Variants in RNF141 observed in about 807,000 individuals in gnomAD.
RNF141 encodes C3HC4-like zinc finger protein.
RNF141 carries 18 observed loss-of-function variants against 27.4 expected under a neutral mutation model. The ratio of observed to expected loss-of-function variants is 0.66; its 90% CI spans 0.45 to 0.97. The LOEUF (loss-of-function observed/expected upper bound fraction) is 0.97, where lower values mean the gene tolerates loss of function less well. Among genes scored for constraint, RNF141 ranks in the 50% least tolerant of loss-of-function variants. The pLI is 0.00. For synonymous variants in RNF141, 97 were observed against 96.6 expected (o/e 1.00, Z -0.02); for missense variants, 230 against 279.4 (o/e 0.82, Z 1.26).
chr11:10,533,787 T>G (rs1257770385), intron 2 of RNF141, among the ~76,000 whole-genome samples: 4 of 152,174 alleles, frequency 2.6e-5, no homozygotes, highest in African/African-American at 9.6e-5. Flanking sequence ...TGTGCTGTGT[T>G]CCAAGTTCCA....
At chr11:10,525,048 C>A (rs1222880192) in intron 4 of RNF141, 144 bp downstream of exon 4, 7 of 575,716 alleles carry the variant, frequency 1.2e-5, no homozygotes, top group Middle Eastern at 4.8e-4. Context: ...ACAGAATAAC[C>A]CCAAAACTGA....
intron 4 of RNF141, among the ~76,000 whole-genome samples, chr11:10,520,045 A>G (rs754134903): frequency 6.6e-6 from 1 of 152,214 alleles, no homozygotes; most frequent in Admixed American, 6.5e-5. Context: ...ACATTAAAGC[A>G]ATCCTGGGCT....
chr11:10,520,112 G>A (rs1472472351), intron 4 of RNF141, among the ~76,000 whole-genome samples: 1 of 152,154 alleles, frequency 6.6e-6, no homozygotes, highest in East Asian at 1.9e-4. Flanking sequence ...TTACTGTATA[G>A]CACTTGTACA....
intron 2 of RNF141, among the ~76,000 whole-genome samples, chr11:10,533,173 T>C (rs950042623): frequency 1.3e-5 from 2 of 152,136 alleles, no homozygotes; most frequent in Non-Finnish European, 2.9e-5. Context: ...AAGAAAGATA[T>C]GACATCTGCC....
At position 10,513,805 on chromosome 11, in the gene RNF141, T is replaced by C. The variant is rs1044009821; in HGVS notation, c.*1111A>G. The C allele has an allele frequency of 1.3e-5, 2 of 152,028 alleles. No homozygotes were observed. The highest frequency in any genetic ancestry group is 4.8e-5 in the African/African-American group (2 of 41,358). 9.4% of individuals were successfully genotyped at this position (152,028 alleles called of 1,614,324 possible). On this transcript the variant is annotated 3_prime_UTR_variant, in exon 6 of 6. Coordinates refer to ENST00000265981, the MANE Select transcript of RNF141 (RefSeq NM_016422.4). ...AGCAATTCTGCCTCAGCCTCCCGAGTAGCTGAGATTACAGGCACCTGCCAC... is the reference window on the plus strand; with the variant it reads ...AGCAATTCTGCCTCAGCCTCCCGAGCAGCTGAGATTACAGGCACCTGCCAC...
rs932898660 is a variant in RNF141 at position 10,530,585 on chromosome 11, A to ATT, written c.252+57_252+58insAA. On this transcript the variant is annotated intron_variant, in intron 3 of 5. Transcript: ENST00000265981. ...ATTATATTATCTTACAGTATTAAATATAGTTCTAGCCACCAAAATAGCTTA... is the reference window on the plus strand; with the variant it reads ...ATTATATTATCTTACAGTATTAAATATTTAGTTCTAGCCACCAAAATAGCTTA... 2.9e-5 allele frequency: 26 copies of ATT among 903,804 alleles called. No individual in the cohort carries two copies. In the African/African-American group the frequency reaches 4.2e-4, roughly 15 times the overall value. The allele number at this position is 903,804 out of a possible 1,614,324, so 56.0% of individuals were successfully genotyped here. A position where few individuals can be genotyped will look rare whatever the true frequency, so the allele number is the denominator to read the frequency against.
chr11:10,519,451 T>C (rs1449143397), intron 4 of RNF141, among the ~76,000 whole-genome samples: 1 of 152,214 alleles, frequency 6.6e-6, no homozygotes, highest in Non-Finnish European at 1.5e-5. Flanking sequence ...ATTTTAATCA[T>C]ATTGGACTTA....
chr11:10,534,340 AT>A (rs887768922), intron 1 of RNF141, 135 bp from the exon 2 acceptor site: 1 of 555,824 alleles, frequency 1.8e-6, no homozygotes, highest in Non-Finnish European at 3.1e-6. Flanking sequence ...CTAAGGTAGA[AT>A]TTAAATGACT....
chr11:10,536,485 G>C (rs748580342), intron 1 of RNF141, among the ~76,000 whole-genome samples: 1 of 152,130 alleles, frequency 6.6e-6, no homozygotes, highest in Non-Finnish European at 1.5e-5. Context: ...TGAATAATAG[G>C]ATCAAGACTA....
rs573105019 is a variant in RNF141, at chr11:10,524,039, A to AAT, written c.434+1152_434+1153insAT. 5.9e-5 allele frequency among the ~76,000 whole-genome samples: 9 copies of AAT among 152,360 alleles called. No homozygotes were observed. In the East Asian group the frequency reaches 1.5e-3, roughly 26 times the overall value. On this transcript the variant is annotated intron_variant, in intron 4 of 5. Transcript: ENST00000265981. ...TTGGGAAATAATAAATGGAAAATACAGTTTAACTGTAACATAGTGCTTGAA... is the reference window on the plus strand; with the variant it reads ...TTGGGAAATAATAAATGGAAAATACAATGTTTAACTGTAACATAGTGCTTGAA...
intron 1 of RNF141, among the ~76,000 whole-genome samples, chr11:10,537,192 C>T (rs866731086): frequency 2.0e-5 from 3 of 152,160 alleles, no homozygotes; most frequent in Non-Finnish European, 1.5e-5. Context: ...ATGGCTGCTA[C>T]ATGTGAGCTC....
In RNF141 at chr11:10,523,521, T is replaced by C. The variant is rs543506611; in HGVS notation, c.434+1671A>G. Among the ~76,000 whole-genome samples the C allele has an allele frequency of 1.6e-4, 25 of 152,372 alleles. No individual in the cohort carries two copies. The South Asian group carries it at 5.0e-3, about 30-fold the overall frequency. ...TAAATGTAAAACATCAATGGAATTATGCATCAGATGTAAAGTTCAACTACA... is the reference window on the plus strand; with the variant it reads ...TAAATGTAAAACATCAATGGAATTACGCATCAGATGTAAAGTTCAACTACA... On this transcript the variant is annotated intron_variant, in intron 4 of 5. Transcript: ENST00000265981.
chr11:10,524,364 G>A (rs537484028), intron 4 of RNF141, among the ~76,000 whole-genome samples: 8 of 152,144 alleles, frequency 5.3e-5, no homozygotes, highest in East Asian at 3.9e-4. Flanking sequence ...GCAGTGAGCC[G>A]AGATCGCGCC....
At chr11:10,531,403 A>ACCTTTTTTTTT (rs1216396969) in intron 2 of RNF141, among the ~76,000 whole-genome samples, 2 of 149,842 alleles carry the variant, frequency 1.3e-5, no homozygotes, top group Non-Finnish European at 3.0e-5. Context: ...AGCTAGTGTC[A>ACCTTTTTTTTT]TTTATCAAAA....
At chr11:10,530,406 T>C (rs1283567918) in intron 3 of RNF141, among the ~76,000 whole-genome samples, 1 of 152,174 alleles carries the variant, frequency 6.6e-6, no homozygotes, top group East Asian at 1.9e-4. Flanking sequence ...TATGATGTAA[T>C]GGTTAGAGAT....
At chr11:10,536,937 G>A (rs989219286) in intron 1 of RNF141, among the ~76,000 whole-genome samples, 2 of 152,114 alleles carry the variant, frequency 1.3e-5, no homozygotes, top group Non-Finnish European at 2.9e-5. Flanking sequence ...TAAGCAGTTG[G>A]CTTTAAAGGA....
intron 4 of RNF141, among the ~76,000 whole-genome samples, chr11:10,520,298 C>T (rs540716764): frequency 3.3e-4 from 51 of 152,276 alleles, no homozygotes; most frequent in South Asian, 1.2e-3. Flanking sequence ...CATTATACAG[C>T]TGTACAGAAA....
In RNF141 at chr11:10,512,907, TATA is replaced by T. The variant is rs1849813158; in HGVS notation, c.*2006_*2008del. The stretch of plus-strand genomic sequence containing the variant: ...ATAAAGTTTATATAATAAGGAAATT[TATA>T]ATAATATGACTTTTATATAGTGGGG... On this transcript the variant is annotated 3_prime_UTR_variant, in exon 6 of 6. Coordinates refer to ENST00000265981, the MANE Select transcript of RNF141 (RefSeq NM_016422.4). 2.0e-5 allele frequency: 3 copies of T among 152,194 alleles called. No homozygotes were observed. The highest frequency in any genetic ancestry group is 4.1e-4 in the South Asian group (2 of 4,836). 9.4% of individuals were successfully genotyped at this position (152,194 alleles called of 1,614,324 possible).
intron 1 of RNF141, among the ~76,000 whole-genome samples, chr11:10,540,252 T>C (rs546883785): frequency 6.6e-6 from 1 of 152,194 alleles, no homozygotes; most frequent in East Asian, 1.9e-4. Flanking sequence ...TTATAAACAA[T>C]TGAAAGTGTT....
Sources: gnomAD v4.1 joint callset for allele counts (sites outside exome capture counted in the v4.1 genomes callset) on GRCh38, gnomAD v4.1.1 for gene constraint, MANE v1.5 for transcripts, NCBI Gene and HGNC (gene_info 2026-07-23, HGNC 2026-07-21) for gene names.